The following AFDN variants were observed in gnomAD, a reference collection of about 807,000 sequenced individuals.
AFDN encodes the protein afadin, adherens junction formation factor.
In AFDN, 68 loss-of-function variants were observed where a neutral mutation model predicts 216.6. That is an observed-to-expected ratio of 0.31 (90% CI 0.26 to 0.38). The LOEUF is 0.38. Ranked by LOEUF, AFDN falls within the 10% of genes least tolerant of loss-of-function variation. The pLI is 1.00. For missense variants in AFDN, 2,136 were observed against 2,342.0 expected, an observed-to-expected ratio of 0.91 and a Z score of 1.82; for synonymous variants, 868 against 853.7, an observed-to-expected ratio of 1.02 and a Z score of -0.29.
chr6:167,954,654 T>G (rs1796321627), intron 30 of AFDN, among the ~76,000 whole-genome samples: 1 of 152,220 alleles, frequency 6.6e-6, no homozygotes, highest in South Asian at 2.1e-4. Flanking sequence ...CCTTTGAATG[T>G]TCCTAGATTT....
At chr6:167,830,575 A>G (rs1779715483) in intron 1 of AFDN, among the ~76,000 whole-genome samples, 2 of 152,242 alleles carry the variant, frequency 1.3e-5, no homozygotes, top group South Asian at 2.1e-4. Context: ...TGCAGAAATT[A>G]TGCTAGGTAA....
chr6:167,895,092 T>G (rs1382057042), intron 9 of AFDN, among the ~76,000 whole-genome samples: 2 of 152,158 alleles, frequency 1.3e-5, no homozygotes, highest in Non-Finnish European at 2.9e-5. Context: ...ATGGACCGTA[T>G]GTGGAGTGAT....
At position 167,889,424 on chromosome 6, in the gene AFDN, T is replaced by TAATG; in HGVS notation, c.1009+98_1009+99insAATG. On this transcript the variant is annotated intron_variant, in intron 7 of 33. Transcript: ENST00000683244. ...ATGTAGGAGATGTGTACGTTAATGTTTTTGGATGGCCTTGTTGTTGTTGTT... is the reference window on the plus strand; with the variant it reads ...ATGTAGGAGATGTGTACGTTAATGTTAATGTTTGGATGGCCTTGTTGTTGTTGTT... 3 of 843,150 alleles carry TAATG rather than the reference T, an allele frequency of 3.6e-6. No individual in the cohort carries two copies. The East Asian group carries it at 7.7e-5, about 22-fold the overall frequency. 52.2% of individuals were successfully genotyped at this position (843,150 alleles called of 1,614,324 possible).
intron 31 of AFDN, chr6:167,963,361 G>GT: frequency 9.4e-7 from 1 of 1,059,444 alleles, no homozygotes. Flanking sequence ...GCTCTTCTCT[G>GT]TTACTTCCCT....
At chr6:167,910,814 G>A (rs543051881) in intron 13 of AFDN, among the ~76,000 whole-genome samples, 1 of 152,260 alleles carries the variant, frequency 6.6e-6, no homozygotes, top group South Asian at 2.1e-4. Context: ...ACCGATCCCT[G>A]TACTAGACAT....
rs1792274224 is a variant in AFDN, at chr6:167,924,660, A to G, written c.3013-345A>G. 2.0e-5 allele frequency among the ~76,000 whole-genome samples: 3 copies of G among 152,218 alleles called. No individual in the cohort carries two copies. In the South Asian group the frequency reaches 6.2e-4, roughly 32 times the overall value. On this transcript the variant is annotated intron_variant, in intron 22 of 33. Transcript: ENST00000683244. ...AAAAAGACTGGTAATTTATTTTGAA[A>G]GGTAATAAAGTGAAAATTGAATTTT...
Position 167,857,810 on chromosome 6 carries a change from C to G in AFDN, c.106-6741C>G, listed in dbSNP as rs190826785. 3.8e-3 allele frequency among the ~76,000 whole-genome samples: 574 copies of G among 152,018 alleles called. 4 individuals carry two copies. Among genetic ancestry groups the G allele is most frequent in the African/African-American group, 0.013 (538 of 41,462 alleles). ...ATTTTAGTTATGTTTTAATGTAGTC[C>G]TTTGAGAACCAACTCATAGCCTTCA... On this transcript the variant is annotated intron_variant, in intron 1 of 33. Coordinates refer to ENST00000683244, the MANE Select transcript of AFDN (RefSeq NM_001386888.1).
At position 167,948,496 on chromosome 6, in the gene AFDN, C is replaced by T; in HGVS notation, c.3831+18C>T. On this transcript the variant is annotated intron_variant, in intron 29 of 33. Coordinates refer to ENST00000683244, the MANE Select transcript of AFDN (RefSeq NM_001386888.1). ...CAATTCAGGTTAGAAATCAAAGATT[C>T]CACACACTTTTCTCACCTCTCAAGG... is the stretch of plus-strand genomic sequence containing the variant. 6.2e-7 allele frequency: 1 copy of T among 1,608,044 alleles called. No individual in the cohort carries two copies. Among genetic ancestry groups the T allele is most frequent in the Non-Finnish European group, 8.5e-7 (1 of 1,175,376 alleles).
intron 11 of AFDN, among the ~76,000 whole-genome samples, chr6:167,901,893 G>T (rs1332126973): frequency 6.6e-6 from 1 of 151,934 alleles, no homozygotes; most frequent in African/African-American, 2.4e-5. Flanking sequence ...AGGAGTTCGA[G>T]ACCAGCCTGG....
At position 167,966,288 on chromosome 6, in the gene AFDN, A is replaced by C. The variant is rs1456264267; in HGVS notation, c.5257+243A>C. 5.4e-6 allele frequency: 8 copies of C among 1,490,480 alleles called. No homozygotes were observed. In the South Asian group the frequency reaches 8.6e-5, roughly 16 times the overall value. The allele number at this position is 1,490,480 out of a possible 1,614,324, so 92.3% of individuals were successfully genotyped here. On this transcript the variant is annotated intron_variant, in intron 32 of 33. Transcript: ENST00000683244. Reference sequence around the variant, plus strand: ...CTGCAAAGGTAGAGGTAAAAGAGTGACAAATCAGCTCTCTTTGTCTTAATG... The same window carrying C: ...CTGCAAAGGTAGAGGTAAAAGAGTGCCAAATCAGCTCTCTTTGTCTTAATG...
chr6:167,870,206 A>G (rs1784640152), intron 2 of AFDN, among the ~76,000 whole-genome samples, 180 bp from the exon 3 acceptor site: 1 of 152,248 alleles, frequency 6.6e-6, no homozygotes, highest in African/African-American at 2.4e-5. Context: ...TAATAAACAT[A>G]CAGTAGCAAC....
chr6:167,948,671 C>G lies in AFDN; in HGVS notation c.3831+193C>G, dbSNP rs181145417. Among the ~76,000 whole-genome samples, 11 of 152,302 alleles carry G rather than the reference C, an allele frequency of 7.2e-5. No homozygotes were observed. The East Asian group carries it at 2.1e-3, about 29-fold the overall frequency. On this transcript the variant is annotated intron_variant, in intron 29 of 33. Transcript: ENST00000683244. ...AATAAGAAAAAGGATTATCTGTTCT[C>G]TGATGTTTGATTAACAAAATGTTAG...
At chr6:167,966,307 C>T in intron 32 of AFDN, 2 of 1,440,622 alleles carry the variant, frequency 1.4e-6, no homozygotes, top group Non-Finnish European at 1.8e-6. Context: ...CTCTCTTTGT[C>T]TTAATGATTG....
chr6:167,831,711 T>G (rs1264662699), intron 1 of AFDN, among the ~76,000 whole-genome samples: 5 of 152,204 alleles, frequency 3.3e-5, no homozygotes, highest in African/African-American at 1.2e-4. Flanking sequence ...ACAGGGATCA[T>G]AAATGATTAG....
chr6:167,964,539 C>T lies in AFDN; in HGVS notation c.4969-1218C>T, dbSNP rs189641751. 18 of 1,065,084 alleles carry T rather than the reference C, an allele frequency of 1.7e-5. No homozygotes were observed. The East Asian group carries it at 7.9e-4, about 47-fold the overall frequency. 66.0% of individuals were successfully genotyped at this position (1,065,084 alleles called of 1,614,324 possible). A position where few individuals can be genotyped will look rare whatever the true frequency, so the allele number is the denominator to read the frequency against. On this transcript the variant is annotated intron_variant, in intron 31 of 33. Transcript: ENST00000683244. ...ATTCAATGAAAAATTGGGCTCAGGG[C>T]AGTAATTGGGGCTGGCATTTATTCT...
chr6:167,856,038 G>C (rs954542078), intron 1 of AFDN, among the ~76,000 whole-genome samples: 1 of 152,122 alleles, frequency 6.6e-6, no homozygotes, highest in African/African-American at 2.4e-5. Flanking sequence ...ACCTCTGGCT[G>C]TCCAGCTATG....
At chr6:167,876,505 G>C (rs980516535) in intron 5 of AFDN, among the ~76,000 whole-genome samples, 3 of 152,176 alleles carry the variant, frequency 2.0e-5, no homozygotes, top group African/African-American at 4.8e-5. Flanking sequence ...TAAAAGACAA[G>C]AGGAATGCTA....
In AFDN at chr6:167,951,102, T is replaced by C. The variant is rs1795924663; in HGVS notation, c.3832-84T>C. The stretch of plus-strand genomic sequence containing the variant: ...CTGTACACTGATTTAACAGTTTTTC[T>C]TCTGTCTGAAGATAAAATGTTTGTG... On this transcript the variant is annotated intron_variant, in intron 29 of 33. Transcript: ENST00000683244. This position sits in a 1 kb window ranked among gnomAD's most constrained non-coding sequence, Gnocchi z 7.1. The C allele has an allele frequency of 5.5e-6, 8 of 1,458,574 alleles. No homozygotes were observed. Among genetic ancestry groups the C allele is most frequent in the Non-Finnish European group, 7.2e-6 (8 of 1,107,198 alleles). 90.4% of individuals were successfully genotyped at this position (1,458,574 alleles called of 1,614,324 possible). A position where few individuals can be genotyped will look rare whatever the true frequency, so the allele number is the denominator to read the frequency against.
At chr6:167,913,168 TAC>T (rs1455066497) in intron 15 of AFDN, among the ~76,000 whole-genome samples, 7 of 152,174 alleles carry the variant, frequency 4.6e-5, no homozygotes, top group Non-Finnish European at 1.0e-4. Context: ...ACTCTAAAAA[TAC>T]AGTTAGTTAT....
Sources: allele counts gnomAD v4.1 joint callset (sites outside exome capture counted in the v4.1 genomes callset), GRCh38; gene constraint gnomAD v4.1.1; non-coding constraint Gnocchi (gnomAD v3.1); transcripts MANE v1.5; gene names NCBI Gene and HGNC (gene_info 2026-07-23, HGNC 2026-07-21).